Variants in BRD10 observed in about 807,000 individuals in gnomAD.
BRD10 encodes uncharacterized bromodomain-containing protein 10.
At chr9:5,940,631 T>C in the BRD10 span, among the ~76,000 whole-genome samples, 1 of 152,246 alleles carries the variant, frequency 6.6e-6, no homozygotes, top group Non-Finnish European at 1.5e-5. Context: ...ATATGGATTT[T>C]TTCCAAATTT....
At chr9:6,000,245 C>T in the BRD10 span, among the ~76,000 whole-genome samples, 135 of 151,878 alleles carry the variant, frequency 8.9e-4, no homozygotes, top group South Asian at 1.7e-3. Flanking sequence ...AGGTGGAAGA[C>T]GATATAACAA....
At chr9:5,910,714 G>T in the BRD10 span, 1 of 152,284 alleles carries the variant, frequency 6.6e-6, no homozygotes, top group Non-Finnish European at 1.5e-5. Flanking sequence ...GAGTCTGCCA[G>T]AAAGAAATTA....
At chr9:5,924,942 T>G in the BRD10 span, 7 of 886,204 alleles carry the variant, frequency 7.9e-6, no homozygotes, top group African/African-American at 1.0e-4. Flanking sequence ...ATGGAAATAT[T>G]TTTTATTAAG....
chr9:6,007,000 C>A, the BRD10 span, among the ~76,000 whole-genome samples: 1 of 152,214 alleles, frequency 6.6e-6, no homozygotes, highest in Non-Finnish European at 1.5e-5. Context: ...AGTCTACGCG[C>A]AAGCCGGGTT....
the BRD10 span, among the ~76,000 whole-genome samples, chr9:5,940,396 T>C: frequency 6.6e-6 from 1 of 152,116 alleles, no homozygotes; most frequent in African/African-American, 2.4e-5. Flanking sequence ...GGTTTCACCA[T>C]GTTAGCCAGG....
chr9:5,938,762 G>C, the BRD10 span, among the ~76,000 whole-genome samples: 1 of 152,174 alleles, frequency 6.6e-6, no homozygotes, highest in African/African-American at 2.4e-5. Context: ...CCACAGCTGA[G>C]ATAGTTTTCA....
At chr9:5,981,460 G>A in the BRD10 span, among the ~76,000 whole-genome samples, 1 of 152,188 alleles carries the variant, frequency 6.6e-6, no homozygotes. Context: ...TGGCAGAGGA[G>A]AGACACTGAT....
chr9:5,963,850 A>G, the BRD10 span, among the ~76,000 whole-genome samples: 2 of 151,974 alleles, frequency 1.3e-5, no homozygotes, highest in Admixed American at 6.6e-5. Flanking sequence ...CTGGCTAGCC[A>G]TATGTAGGAA....
chr9:5,921,054 T>C, the BRD10 span: 2 of 1,613,844 alleles, frequency 1.2e-6, no homozygotes, highest in Non-Finnish European at 8.5e-7. Flanking sequence ...TTTACTGCTC[T>C]TGCTGAAGAA....
chr9:5,887,287 A>G, the BRD10 span, among the ~76,000 whole-genome samples: 1 of 152,086 alleles, frequency 6.6e-6, no homozygotes, highest in Non-Finnish European at 1.5e-5. Context: ...TATCTCAAAC[A>G]AGCTGGAGAG....
chr9:5,880,895 G>A, the BRD10 span, among the ~76,000 whole-genome samples: 9 of 151,818 alleles, frequency 5.9e-5, no homozygotes, highest in African/African-American at 2.2e-4. Context: ...AGTAGACATG[G>A]GGTTTCATCA....
the BRD10 span, chr9:5,921,214 T>C: frequency 9.9e-6 from 16 of 1,613,802 alleles, no homozygotes; most frequent in Admixed American, 1.7e-5. Context: ...TGTTAATTGA[T>C]GGTATAGCTG....
chr9:5,985,206 T>A, the BRD10 span, among the ~76,000 whole-genome samples: 1 of 152,154 alleles, frequency 6.6e-6, no homozygotes, highest in Non-Finnish European at 1.5e-5. Context: ...GCTATCCATA[T>A]GGAAAAAAGT....
chr9:5,902,813 T>C, the BRD10 span, among the ~76,000 whole-genome samples: 1 of 152,174 alleles, frequency 6.6e-6, no homozygotes, highest in Non-Finnish European at 1.5e-5. Flanking sequence ...TGCTGATTTC[T>C]TGTTTTCAAT....
the BRD10 span, among the ~76,000 whole-genome samples, chr9:5,880,725 G>A: frequency 7.7e-5 from 11 of 142,450 alleles, no homozygotes; most frequent in Non-Finnish European, 1.7e-4. Context: ...TTTTCCCTGA[G>A]ATGAAGTCTC....
chr9:5,973,963 A>AATGGTG, the BRD10 span, among the ~76,000 whole-genome samples: 1 of 152,170 alleles, frequency 6.6e-6, no homozygotes, highest in Non-Finnish European at 1.5e-5. Flanking sequence ...GTAGGAAGGT[A>AATGGTG]ATGGTGATGG....
At chr9:5,920,536 T>C in the BRD10 span, 2 of 1,614,016 alleles carry the variant, frequency 1.2e-6, no homozygotes, top group Admixed American at 1.7e-5. Flanking sequence ...ACGTATTAGT[T>C]ATTTTACCTG....
At chr9:5,989,984 T>G in the BRD10 span, among the ~76,000 whole-genome samples, 9 of 152,254 alleles carry the variant, frequency 5.9e-5, no homozygotes, top group Non-Finnish European at 1.5e-5. Flanking sequence ...TGTAGGATTC[T>G]ACCAAACTGT....
At chr9:5,902,010 T>C in the BRD10 span, among the ~76,000 whole-genome samples, 1 of 90,166 alleles carries the variant, frequency 1.1e-5, no homozygotes, top group Non-Finnish European at 3.0e-5. Flanking sequence ...ATTAGGGTAA[T>C]GCTGGCCTCA....
Sources: allele counts gnomAD v4.1 joint callset (sites outside exome capture counted in the v4.1 genomes callset), GRCh38; gene constraint gnomAD v4.1.1; transcripts MANE v1.5; gene names NCBI Gene and HGNC (gene_info 2026-07-23, HGNC 2026-07-21).